Variants in RPRD2 observed in about 807,000 individuals in gnomAD.
RPRD2 encodes regulation of nuclear pre-mRNA domain containing 2.
A neutral mutation model predicts 104.4 loss-of-function variants in RPRD2; 12 were observed. The observed-to-expected ratio is 0.11, with a 90% CI of 0.07 to 0.19. RPRD2 has a LOEUF of 0.19. Ranked by LOEUF, RPRD2 falls within the 10% of genes least tolerant of loss-of-function variation. The pLI is 1.00. For missense variants in RPRD2, 1,543 were observed against 1,790.1 expected, an observed-to-expected ratio of 0.86 and a Z score of 2.49; for synonymous variants, 714 against 684.9, an observed-to-expected ratio of 1.04 and a Z score of -0.66.
At position 150,475,087 on chromosome 1, in the gene RPRD2, GTTCT is replaced by G. The variant is rs1024183766; in HGVS notation, c.*1761_*1764del. 1.3e-5 allele frequency: 2 copies of G among 152,138 alleles called. No homozygotes were observed. The highest frequency in any genetic ancestry group is 2.9e-5 in the Non-Finnish European group (2 of 68,044). 9.4% of individuals were successfully genotyped at this position (152,138 alleles called of 1,614,324 possible). ...ATGCCTGTCTGGTCTTAAGCCAACT[GTTCT>G]TTCTTTCCTCGACCCTCTCTGCCCT... On this transcript the variant is annotated 3_prime_UTR_variant, in exon 11 of 11. Coordinates refer to ENST00000369068, the MANE Select transcript of RPRD2 (RefSeq NM_015203.5).
intron 1 of RPRD2, among the ~76,000 whole-genome samples, chr1:150,408,158 A>ATTTTTTTTTTTTTT (rs10684924): frequency 1.1e-5 from 1 of 95,096 alleles, no homozygotes; most frequent in Non-Finnish European, 2.0e-5. Context: ...TATTCATATG[A>ATTTTTTTTTTTTTT]TTTTTTTTTT....
chr1:150,386,804 C>T (rs1158896740), intron 1 of RPRD2, among the ~76,000 whole-genome samples: 1 of 152,120 alleles, frequency 6.6e-6, no homozygotes, highest in African/African-American at 2.4e-5. Context: ...TGGATACTCA[C>T]AATGCTTGAG....
chr1:150,450,073 G>C (rs1667050121), intron 7 of RPRD2, among the ~76,000 whole-genome samples: 1 of 151,842 alleles, frequency 6.6e-6, no homozygotes, highest in Admixed American at 6.6e-5. Flanking sequence ...GTTCTTAGTT[G>C]GTTTACTTTT....
chr1:150,375,168 T>C (rs888946737), intron 1 of RPRD2, among the ~76,000 whole-genome samples: 14 of 152,228 alleles, frequency 9.2e-5, no homozygotes, highest in Non-Finnish European at 1.9e-4. Context: ...TGTGAGACTT[T>C]CCAAGCAGTT....
At chr1:150,415,946 G>A (rs1553888483) in intron 1 of RPRD2, among the ~76,000 whole-genome samples, 1 of 152,186 alleles carries the variant, frequency 6.6e-6, no homozygotes, top group African/African-American at 2.4e-5. Flanking sequence ...AAGAGATGTG[G>A]TAAAGATTCG....
Position 150,474,659 on chromosome 1 carries a change from T to C in RPRD2, c.*1325T>C, listed in dbSNP as rs1668799831. ...CTTTGAGTGTTTATATCTTTATATC[T>C]AGGGACACTGAAAAGTAAATGTTGC... On this transcript the variant is annotated 3_prime_UTR_variant, in exon 11 of 11. Transcript: ENST00000369068. The C allele has an allele frequency of 6.6e-6, 1 of 152,192 alleles. No homozygotes were observed. The highest frequency in any genetic ancestry group is 2.1e-4 in the South Asian group (1 of 4,834). 9.4% of individuals were successfully genotyped at this position (152,192 alleles called of 1,614,324 possible).
At chr1:150,376,393 T>C (rs1002579203) in intron 1 of RPRD2, among the ~76,000 whole-genome samples, 5 of 152,200 alleles carry the variant, frequency 3.3e-5, no homozygotes, top group Admixed American at 6.5e-5. Context: ...TTTTAATGTT[T>C]GGGATTATAA....
chr1:150,455,403 G>A (rs1667456531), intron 7 of RPRD2, among the ~76,000 whole-genome samples: 1 of 152,020 alleles, frequency 6.6e-6, no homozygotes, highest in African/African-American at 2.4e-5. Flanking sequence ...TCAGGAGGCT[G>A]AGGCAGGAGA....
chr1:150,388,835 G>T (rs587744870), intron 1 of RPRD2, among the ~76,000 whole-genome samples: 1 of 151,910 alleles, frequency 6.6e-6, no homozygotes, highest in African/African-American at 2.4e-5. Context: ...TTGAACCCCT[G>T]ACCTCGTGAT....
intron 6 of RPRD2, 93 bp downstream of exon 6, chr1:150,444,470 C>A (rs1295194437): frequency 1.5e-6 from 2 of 1,312,768 alleles, no homozygotes; most frequent in Admixed American, 2.5e-5. Flanking sequence ...TAAGGAGATC[C>A]TTGGGTAGAA....
intron 1 of RPRD2, among the ~76,000 whole-genome samples, chr1:150,400,035 CATTT>C (rs1274991950): frequency 2.6e-5 from 4 of 152,116 alleles, no homozygotes; most frequent in African/African-American, 9.7e-5. Context: ...TATATCTCGC[CATTT>C]ATTTAGGTCA....
intron 2 of RPRD2, among the ~76,000 whole-genome samples, chr1:150,430,991 TAAAG>T (rs1553891562): frequency 1.3e-5 from 2 of 151,088 alleles, no homozygotes; most frequent in South Asian, 2.1e-4. Context: ...GAATCTAAGA[TAAAG>T]GAAGCAATAA....
At position 150,435,650 on chromosome 1, in the gene RPRD2, G is replaced by C. The variant is rs587654582; in HGVS notation, c.336-5273G>C. On this transcript the variant is annotated intron_variant, in intron 2 of 10. Transcript: ENST00000369068. Reference sequence around the variant, plus strand: ...CTCCTCAATTCTATGAAGGTTGAGAGAGGTGAGGAAGCTGTGGAAATAGGT... The same window carrying C: ...CTCCTCAATTCTATGAAGGTTGAGACAGGTGAGGAAGCTGTGGAAATAGGT... 3.3e-5 allele frequency among the ~76,000 whole-genome samples: 5 copies of C among 152,332 alleles called. No homozygotes were observed. In the South Asian group the frequency reaches 1.0e-3, roughly 32 times the overall value.
At chr1:150,452,661 C>CTTTTTTTTTTTTTT in intron 7 of RPRD2, among the ~76,000 whole-genome samples, 1 of 71,220 alleles carries the variant, frequency 1.4e-5, no homozygotes, top group Non-Finnish European at 2.5e-5. Flanking sequence ...GACATATCCC[C>CTTTTTTTTTTTTTT]TTTTTTTTTT....
In RPRD2 at chr1:150,446,373, A is replaced by G. The variant is rs782468118; in HGVS notation, c.842A>G (p.Gln281Arg). 2 of 1,600,540 alleles carry G rather than the reference A, an allele frequency of 1.2e-6. No homozygotes were observed. The highest frequency in any genetic ancestry group is 8.5e-7 in the Non-Finnish European group (1 of 1,176,990). ...AATGCTGGAATTTTCTATGAAGCACAATACAAAGAAGTAAAAGTGGTGGCT... is the reference window on the plus strand; with the variant it reads ...AATGCTGGAATTTTCTATGAAGCACGATACAAAGAAGTAAAAGTGGTGGCT... ...LENAGIFYEAQYKEVKVVANA... is the reference protein window; with the variant it reads ...LENAGIFYEARYKEVKVVANA... The change falls in exon 7 of 11, where the codon CAA becomes CGA. Residue 281 changes from glutamine to arginine, a missense_variant. Transcript: ENST00000369068.
chr1:150,408,546 A>G (rs183047574), intron 1 of RPRD2, among the ~76,000 whole-genome samples: 1 of 152,276 alleles, frequency 6.6e-6, no homozygotes, highest in Admixed American at 6.5e-5. Flanking sequence ...TCATGCAAGC[A>G]TCTTCATGTT....
chr1:150,454,313 T>C (rs1339555053), intron 7 of RPRD2, among the ~76,000 whole-genome samples: 1 of 152,092 alleles, frequency 6.6e-6, no homozygotes, highest in African/African-American at 2.4e-5. Flanking sequence ...CTTGCCTAGC[T>C]CCCCAGAATC....
chr1:150,422,802 G>A (rs1664859335), intron 2 of RPRD2, among the ~76,000 whole-genome samples: 2 of 152,150 alleles, frequency 1.3e-5, no homozygotes, highest in Non-Finnish European at 2.9e-5. Flanking sequence ...TTCCTTGAAT[G>A]CCTTTAAGGT....
At chr1:150,461,413 T>A (rs1167858590) in intron 9 of RPRD2, among the ~76,000 whole-genome samples, 1 of 152,240 alleles carries the variant, frequency 6.6e-6, no homozygotes, top group Non-Finnish European at 1.5e-5. Context: ...ACTAGCTATT[T>A]AAAAGTTAAT....
Sources: gnomAD v4.1 joint callset for allele counts (sites outside exome capture counted in the v4.1 genomes callset) on GRCh38, gnomAD v4.1.1 for gene constraint, MANE v1.5 for transcripts, NCBI Gene and HGNC (gene_info 2026-07-23, HGNC 2026-07-21) for gene names.